The following FOXP2 variants were observed in gnomAD, a reference collection of about 807,000 sequenced individuals.
The protein encoded by FOXP2 is forkhead box P2, also known as forkhead box protein P2.
A neutral mutation model predicts 115.8 loss-of-function variants in FOXP2; 12 were observed. The observed-to-expected ratio is 0.10, with a 90% CI of 0.07 to 0.17. The LOEUF is 0.17. Ranked by LOEUF, FOXP2 falls within the 10% of genes least tolerant of loss-of-function variation. FOXP2 has a pLI of 1.00. For synonymous variants in FOXP2, 328 were observed against 297.7 expected, an observed-to-expected ratio of 1.10 and a Z score of -1.05; for missense variants, 629 against 843.5, an observed-to-expected ratio of 0.75 and a Z score of 3.15.
chr7:114,411,017 G>A (rs74583281), upstream of FOXP2, among the ~76,000 whole-genome samples: 886 of 152,098 alleles, frequency 5.8e-3, 5 homozygotes, highest in African/African-American at 0.02. Flanking sequence ...CACTCTCAGC[G>A]AACTTAGTGT....
intron 1 of FOXP2, among the ~76,000 whole-genome samples, chr7:114,205,111 T>A (rs1314154437): frequency 2.0e-5 from 3 of 152,128 alleles, no homozygotes; most frequent in Non-Finnish European, 4.4e-5. Context: ...TAATTTTTAC[T>A]GAAATTTGGA....
chr7:114,235,862 G>A (rs568774374), intron 1 of FOXP2, among the ~76,000 whole-genome samples: 3 of 152,190 alleles, frequency 2.0e-5, no homozygotes, highest in Admixed American at 6.5e-5. Context: ...ATCACTATAC[G>A]GAGAAATTAA....
At chr7:114,343,892 A>G (rs1263918234) in intron 2 of FOXP2, among the ~76,000 whole-genome samples, 2 of 151,536 alleles carry the variant, frequency 1.3e-5, no homozygotes, top group Admixed American at 6.6e-5. Flanking sequence ...ATTCTATATA[A>G]TTTACTCATT....
chr7:114,086,407 C>T (rs1455308663), upstream of FOXP2: 1 of 350,348 alleles, frequency 2.9e-6, no homozygotes, highest in African/African-American at 2.3e-5. Flanking sequence ...CACCCGCAGC[C>T]CGCCCGCGAA....
At chr7:114,148,970 C>T (rs911194924) in intron 1 of FOXP2, among the ~76,000 whole-genome samples, 1 of 152,140 alleles carries the variant, frequency 6.6e-6, no homozygotes, top group South Asian at 2.1e-4. Context: ...CAAGTGTTCT[C>T]CGTCCCTACC....
rs377422626 is a variant in FOXP2 at position 114,371,449 on chromosome 7, C to T, written c.-10-55053C>T. On this transcript the variant is annotated intron_variant, in intron 2 of 17. Transcript: ENST00000634411. ...CTTGGAGATGCTATTGTAACATTTGCTACAATAAATATAGAATAAAAATAA... is the reference window on the plus strand; with the variant it reads ...CTTGGAGATGCTATTGTAACATTTGTTACAATAAATATAGAATAAAAATAA... Among the ~76,000 whole-genome samples, 18 of 151,472 alleles carry T rather than the reference C, an allele frequency of 1.2e-4. No individual in the cohort carries two copies. In the East Asian group the frequency reaches 3.3e-3, roughly 28 times the overall value.
chr7:114,509,124 T>TGA (rs1562966601), intron 2 of FOXP2, among the ~76,000 whole-genome samples: 2 of 152,100 alleles, frequency 1.3e-5, no homozygotes, highest in South Asian at 4.1e-4. Flanking sequence ...TGGAGCAGAG[T>TGA]GAGCAAAGGG....
chr7:114,195,082 G>A (rs1490036117), intron 1 of FOXP2, among the ~76,000 whole-genome samples: 2 of 152,134 alleles, frequency 1.3e-5, no homozygotes, highest in African/African-American at 4.8e-5. Context: ...TTTTGAGTCT[G>A]TCCTTGGGCA....
intron 1 of FOXP2, among the ~76,000 whole-genome samples, chr7:114,217,924 G>A (rs1361741892): frequency 6.6e-6 from 1 of 152,152 alleles, no homozygotes; most frequent in African/African-American, 2.4e-5. Context: ...TCTACTGAAT[G>A]ATTGATTCTT....
chr7:114,096,881 A>T (rs564051845), intron 1 of FOXP2, among the ~76,000 whole-genome samples: 2 of 152,300 alleles, frequency 1.3e-5, no homozygotes, highest in South Asian at 4.1e-4. Context: ...TATTTTAAAA[A>T]TAGAATGTGA....
At chr7:114,312,854 T>G (rs993996033) in intron 2 of FOXP2, among the ~76,000 whole-genome samples, 1 of 152,164 alleles carries the variant, frequency 6.6e-6, no homozygotes, top group African/African-American at 2.4e-5. Flanking sequence ...TTCCTCAAAG[T>G]TGCACACTGT....
At chr7:114,168,675 G>A (rs1370905855) in intron 1 of FOXP2, among the ~76,000 whole-genome samples, 1 of 152,164 alleles carries the variant, frequency 6.6e-6, no homozygotes, top group Non-Finnish European at 1.5e-5. Context: ...CAAGCCTACT[G>A]CACAAATTTG....
chr7:114,491,292 C>A (rs1175781978), intron 2 of FOXP2, among the ~76,000 whole-genome samples: 1 of 152,216 alleles, frequency 6.6e-6, no homozygotes, highest in Non-Finnish European at 1.5e-5. Context: ...CTTTTGGCTG[C>A]ATAAATGTCT....
At chr7:114,089,142 C>T (rs951379457) in intron 1 of FOXP2, among the ~76,000 whole-genome samples, 9 of 151,956 alleles carry the variant, frequency 5.9e-5, no homozygotes, top group African/African-American at 2.2e-4. Flanking sequence ...TGCTTCCTTA[C>T]GACACACACT....
intron 2 of FOXP2, among the ~76,000 whole-genome samples, chr7:114,503,438 G>T (rs1797656650): frequency 6.6e-6 from 1 of 151,630 alleles, no homozygotes; most frequent in Non-Finnish European, 1.5e-5. Flanking sequence ...CAAGATCAAT[G>T]ATCCTGATTT....
At chr7:114,458,809 T>C (rs1795435900) in intron 2 of FOXP2, among the ~76,000 whole-genome samples, 1 of 152,152 alleles carries the variant, frequency 6.6e-6, no homozygotes, top group Non-Finnish European at 1.5e-5. Context: ...AAGGTTCAAA[T>C]ACACCATCTA....
intron 2 of FOXP2, among the ~76,000 whole-genome samples, chr7:114,294,301 A>G (rs1414545240): frequency 4.6e-5 from 7 of 152,114 alleles, no homozygotes; most frequent in African/African-American, 1.2e-4. Context: ...AAATACCCAT[A>G]TGCTAACAGG....
chr7:114,435,000 G>A (rs968178367), intron 2 of FOXP2, among the ~76,000 whole-genome samples: 1 of 152,060 alleles, frequency 6.6e-6, no homozygotes, highest in Non-Finnish European at 1.5e-5. Flanking sequence ...CCACCTTATT[G>A]CAAAACTCTG....
chr7:114,103,588 C>A (rs1791041059), intron 1 of FOXP2, among the ~76,000 whole-genome samples: 1 of 151,986 alleles, frequency 6.6e-6, no homozygotes, highest in African/African-American at 2.4e-5. Flanking sequence ...TTGGAAAGTT[C>A]TTTTCCTTTA....
Sources: gnomAD v4.1 joint callset for allele counts (sites outside exome capture counted in the v4.1 genomes callset) on GRCh38, gnomAD v4.1.1 for gene constraint, MANE v1.5 for transcripts, NCBI Gene and HGNC (gene_info 2026-07-23, HGNC 2026-07-21) for gene names.